RPS5: variants seen among roughly 807,000 people sequenced by gnomAD.
RPS5 encodes ribosomal protein S5, also known as small ribosomal subunit protein uS7.
A neutral mutation model predicts 20.9 loss-of-function variants in RPS5; 2 were observed. That is an observed-to-expected ratio of 0.10 (90% CI 0.04 to 0.30). The LOEUF (loss-of-function observed/expected upper bound fraction) is 0.30, where lower values mean the gene tolerates loss of function less well. Ranked by LOEUF, RPS5 falls within the 10% of genes least tolerant of loss-of-function variation. The probability of loss-of-function intolerance (pLI) is 1.00; values close to 1 mark genes in which losing one functional copy is unlikely to be tolerated. For synonymous variants in RPS5, 112 were observed against 105.8 expected (o/e 1.06, Z -0.36); for missense variants, 122 against 287.2 (o/e 0.42, Z 4.16).
intron 4 of RPS5, 50 bp downstream of exon 4, chr19:58,393,537 G>A (rs1217521783): frequency 1.3e-6 from 2 of 1,580,394 alleles, no homozygotes; most frequent in Admixed American, 1.7e-5. Context: ...CCACGGGAGT[G>A]GGTGGGGTCT....
At chr19:58,391,590 G>A (rs2052364265) in intron 2 of RPS5, among the ~76,000 whole-genome samples, 2 of 151,832 alleles carry the variant, frequency 1.3e-5, no homozygotes, top group South Asian at 4.2e-4. Context: ...GTGACAGAGT[G>A]AGACTCCATC....
Position 58,388,110 on chromosome 19 carries a change from T to C in RPS5, c.-1-27T>C, listed in dbSNP as rs1422786049. ...CTCCATGCTAGCTGAGCTCTGACGT[T>C]TTTTTCCTGTCATCACCCTGTCCCA... On this transcript the variant is annotated intron_variant, in intron 1 of 5. Transcript: ENST00000196551. 2.6e-6 allele frequency: 4 copies of C among 1,562,310 alleles called. No homozygotes were observed. The South Asian group carries it at 4.5e-5, about 18-fold the overall frequency.
chr19:58,393,487 G>A lies in RPS5; in HGVS notation c.447G>A (p.Gln149=), dbSNP rs1372265984. Residue 149 remains glutamine (Q), a splice_region_variant and synonymous_variant, in exon 4 of 6, where the codon CAG becomes CAA. Coordinates refer to ENST00000196551, the MANE Select transcript of RPS5 (RefSeq NM_001009.4). ...VDVSPLRRVN[Q]AIWLLCTGAR... is the part of the protein sequence containing the mutation. ...TGTCCCCCCTGCGCCGTGTGAACCA[G>A]GTGAGCCTGGGGCTTATGCACGTGG... The A allele has an allele frequency of 6.2e-7, 1 of 1,610,246 alleles. No individual in the cohort carries two copies. The highest frequency in any genetic ancestry group is 8.5e-7 in the Non-Finnish European group (1 of 1,179,560).
intron 1 of RPS5, 138 bp downstream of exon 1, chr19:58,387,477 C>T (rs1479411238): frequency 3.3e-5 from 5 of 152,272 alleles, no homozygotes; most frequent in Non-Finnish European, 7.3e-5. Context: ...GGGCGCGGGC[C>T]GAGTTACTCT....
At chr19:58,393,600 C>T (rs1241820264) in intron 4 of RPS5, 113 bp downstream of exon 4, 1 of 1,375,610 alleles carries the variant, frequency 7.3e-7, no homozygotes, top group Non-Finnish European at 9.7e-7. Context: ...TGCAGCATCA[C>T]TTCCTCTAGG....
intron 2 of RPS5, among the ~76,000 whole-genome samples, chr19:58,389,378 T>G (rs2052349071): frequency 6.6e-6 from 1 of 151,930 alleles, no homozygotes; most frequent in Non-Finnish European, 1.5e-5. Context: ...GCTCAGGGGA[T>G]CTTCCTGTCT....
chr19:58,388,212 C>G lies in RPS5; in HGVS notation c.75C>G (p.Thr25=), dbSNP rs1158758809. 1.2e-6 allele frequency: 2 copies of G among 1,612,738 alleles called. No homozygotes were observed. Among genetic ancestry groups the G allele is most frequent in the African/African-American group, 1.3e-5 (1 of 75,018 alleles). The change falls in exon 2 of 6, where the codon ACC becomes ACG. Residue 25 remains threonine (T), a synonymous_variant. Coordinates refer to ENST00000196551, the MANE Select transcript of RPS5 (RefSeq NM_001009.4). The part of the protein sequence containing the change: ...PDIKLFGKWS[T]DDVQINDISL... ...TCAAGCTCTTTGGGAAGTGGAGCACCGATGATGTGCAGATCAATGACATTT... is the reference window on the plus strand; with the variant it reads ...TCAAGCTCTTTGGGAAGTGGAGCACGGATGATGTGCAGATCAATGACATTT...
chr19:58,389,205 G>A (rs1247577538), intron 2 of RPS5, among the ~76,000 whole-genome samples: 1 of 152,108 alleles, frequency 6.6e-6, no homozygotes, highest in Non-Finnish European at 1.5e-5. Flanking sequence ...TTTTGTGACT[G>A]CATTGATATA....
At position 58,393,128 on chromosome 19, in the gene RPS5, C is replaced by G; in HGVS notation, c.261C>G (p.Leu87=). 2 of 1,614,248 alleles carry G rather than the reference C, an allele frequency of 1.2e-6. No homozygotes were observed. Among genetic ancestry groups the G allele is most frequent in the South Asian group, 1.1e-5 (1 of 91,080 alleles). ...MMHGRNNGKK[L]MTVRIVKHAF... ...ACGGCCGCAACAACGGCAAGAAGCTCATGACTGTGCGCATCGTCAAGCATG... is the reference window on the plus strand; with the variant it reads ...ACGGCCGCAACAACGGCAAGAAGCTGATGACTGTGCGCATCGTCAAGCATG... The change falls in exon 3 of 6, where the codon CTC becomes CTG. Residue 87 remains leucine (L), a synonymous_variant. Transcript: ENST00000196551.
At chr19:58,392,550 C>CG (rs2052370562) in intron 2 of RPS5, among the ~76,000 whole-genome samples, 1 of 149,826 alleles carries the variant, frequency 6.7e-6, no homozygotes, top group Non-Finnish European at 1.5e-5. Flanking sequence ...ATTTGAACCT[C>CG]GGAGTCGTAG....
At position 58,394,558 on chromosome 19, in the gene RPS5, C is replaced by G. The variant is rs1355837520; in HGVS notation, c.509C>G (p.Ala170Gly). The change falls in exon 5 of 6, where the codon GCT becomes GGT. Residue 170 changes from alanine (A) to glycine (G), a missense_variant. By Grantham distance (60) the Ala-to-Gly change is moderately conservative. Coordinates refer to ENST00000196551, the MANE Select transcript of RPS5 (RefSeq NM_001009.4). ...EAAFRNIKTI[A>G]ECLADELINA... ...GCCTTCCGGAACATTAAGACCATTG[C>G]TGAGTGCCTGGCAGATGAGCTCATC... 1 of 1,614,042 alleles carries G rather than the reference C, an allele frequency of 6.2e-7. No homozygotes were observed. The highest frequency in any genetic ancestry group is 1.3e-5 in the African/African-American group (1 of 74,908).
chr19:58,388,153 ACAG>A lies in RPS5; in HGVS notation c.22_24del (p.Ala8del). Reference sequence around the variant, plus strand: ...CTGTCCCAGGATGACCGAGTGGGAGACAGCAGCACCAGCGGTGGCAGAGACCCC... The same window carrying A: ...CTGTCCCAGGATGACCGAGTGGGAGACAGCACCAGCGGTGGCAGAGACCCC... On this transcript the variant is annotated inframe_deletion, in exon 2 of 6. Transcript: ENST00000196551. The A allele has an allele frequency of 1.2e-6, 2 of 1,612,474 alleles. No homozygotes were observed. Among genetic ancestry groups the A allele is most frequent in the South Asian group, 1.1e-5 (1 of 90,886 alleles).
At chr19:58,390,178 G>A (rs1026553553) in intron 2 of RPS5, among the ~76,000 whole-genome samples, 2 of 150,224 alleles carry the variant, frequency 1.3e-5, no homozygotes, top group Admixed American at 1.3e-4. Context: ...TTACAGGCAT[G>A]AGCCACCACG....
At chr19:58,393,267 C>T in intron 3 of RPS5, 82 bp downstream of exon 3, 2 of 1,609,756 alleles carry the variant, frequency 1.2e-6, no homozygotes, top group South Asian at 2.2e-5. Context: ...AGGCTTATCC[C>T]CTGTGTGGTG....
chr19:58,390,221 T>A (rs2052353883), intron 2 of RPS5, among the ~76,000 whole-genome samples: 1 of 149,730 alleles, frequency 6.7e-6, no homozygotes, highest in South Asian at 2.1e-4. Flanking sequence ...TGAGACAGAG[T>A]CTCTCTCTGC....
At chr19:58,390,839 C>T (rs112222055) in intron 2 of RPS5, among the ~76,000 whole-genome samples, 79 of 151,954 alleles carry the variant, frequency 5.2e-4, no homozygotes, top group African/African-American at 8.7e-4. Context: ...ATGCCCTTCA[C>T]GAGACTGTGA....
At chr19:58,393,565 C>T (rs1439300028) in intron 4 of RPS5, 78 bp downstream of exon 4, 1 of 1,530,494 alleles carries the variant, frequency 6.5e-7, no homozygotes, top group Non-Finnish European at 8.8e-7. Context: ...GGCAGGAAGG[C>T]TCCTCTCTGT....
At chr19:58,388,357 G>T (rs1164558954) in intron 2 of RPS5, 112 bp downstream of exon 2, 4 of 734,158 alleles carry the variant, frequency 5.4e-6, no homozygotes, top group Non-Finnish European at 9.6e-6. Flanking sequence ...ATCATAACAG[G>T]TAAAGAAGGG....
intron 2 of RPS5, among the ~76,000 whole-genome samples, chr19:58,392,415 G>C (rs1376581791): frequency 2.6e-5 from 4 of 151,874 alleles, no homozygotes; most frequent in African/African-American, 9.7e-5. Flanking sequence ...CACAAGGCCA[G>C]GAGTTCAAGA....
Sources: allele counts gnomAD v4.1 joint callset (sites outside exome capture counted in the v4.1 genomes callset), GRCh38; gene constraint gnomAD v4.1.1; transcripts MANE v1.5; gene names NCBI Gene and HGNC (gene_info 2026-07-23, HGNC 2026-07-21).